CCNJ: variants seen among roughly 807,000 people sequenced by gnomAD.
CCNJ encodes the protein cyclin-J.
CCNJ carries 12 observed loss-of-function variants against 41.4 expected under a neutral mutation model. The observed-to-expected ratio is 0.29, with a 90% confidence interval of 0.19 to 0.47. The LOEUF (loss-of-function observed/expected upper bound fraction) is 0.47. Ranked by LOEUF, CCNJ falls within the 20% of genes least tolerant of loss-of-function variation. The probability of loss-of-function intolerance (pLI) is 1.00; values close to 1 mark genes in which losing one functional copy is unlikely to be tolerated. For missense variants in CCNJ, 340 were observed against 464.6 expected, an observed-to-expected ratio of 0.73 and a Z score of 2.47; for synonymous variants, 161 against 173.4, an observed-to-expected ratio of 0.93 and a Z score of 0.56.
intron 3 of CCNJ, among the ~76,000 whole-genome samples, chr10:96,056,233 C>T (rs1283754310): frequency 6.6e-5 from 10 of 151,348 alleles, no homozygotes; most frequent in African/African-American, 1.5e-4. Flanking sequence ...GGCGTGAACC[C>T]GGGAGGTGGA....
intron 2 of CCNJ, among the ~76,000 whole-genome samples, chr10:96,045,187 G>T (rs1003425670): frequency 1.3e-5 from 2 of 152,182 alleles, no homozygotes; most frequent in African/African-American, 4.8e-5. Flanking sequence ...GTGTATTGTT[G>T]CTATTAAGTA....
rs755283197 is a variant in CCNJ at position 96,058,003 on chromosome 10, C to T, written c.914C>T (p.Thr305Met). Reference sequence around the variant, plus strand: ...ACCTCACTGCAGTATCGCCATCCTACGTCAGAACAACCAAGCTGTCAGCAG... The same window carrying T: ...ACCTCACTGCAGTATCGCCATCCTATGTCAGAACAACCAAGCTGTCAGCAG... ...HQTSLQYRHP[T>M]SEQPSCQQIV... The change falls in exon 6 of 6, where the codon ACG becomes ATG. Residue 305 changes from threonine to methionine, a missense_variant. Thr to Met is a moderately conservative substitution (Grantham distance 81). Coordinates refer to ENST00000465148, the MANE Select transcript of CCNJ (RefSeq NM_001134375.2). The T allele has an allele frequency of 2.5e-5, 40 of 1,614,134 alleles. No individual in the cohort carries two copies. Among genetic ancestry groups the T allele is most frequent in the Middle Eastern group, 1.6e-4 (1 of 6,062 alleles).
chr10:96,056,092 A>C (rs1288786156), intron 3 of CCNJ, among the ~76,000 whole-genome samples: 1 of 152,178 alleles, frequency 6.6e-6, no homozygotes, highest in Non-Finnish European at 1.5e-5. Context: ...GGCAGATCAC[A>C]AGGTCAAGAG....
In CCNJ at chr10:96,060,029, T is replaced by C. The variant is rs1591027821; in HGVS notation, c.*1788T>C. 6.5e-6 allele frequency: 1 copy of C among 152,688 alleles called. No individual in the cohort carries two copies. Among genetic ancestry groups the C allele is most frequent in the Non-Finnish European group, 1.5e-5 (1 of 68,038 alleles). The allele number at this position is 152,688 out of a possible 1,614,324, so 9.5% of individuals were successfully genotyped here. A position where few individuals can be genotyped will look rare whatever the true frequency, so the allele number is the denominator to read the frequency against. On this transcript the variant is annotated 3_prime_UTR_variant, in exon 6 of 6. Coordinates refer to ENST00000465148, the MANE Select transcript of CCNJ (RefSeq NM_001134375.2). ...ACTCACTCATGGCAGTTTTTAAGCATGAAAATTGTTTTCTGAAAGTATCAT... is the reference window on the plus strand; with the variant it reads ...ACTCACTCATGGCAGTTTTTAAGCACGAAAATTGTTTTCTGAAAGTATCAT...
chr10:96,043,336 G>C (rs2080264064), upstream of CCNJ: 1 of 327,952 alleles, frequency 3.0e-6, no homozygotes, highest in African/African-American at 2.2e-5. Context: ...CTTCGCAGTA[G>C]GTGGCGGCTG....
rs1198866722 is a variant in CCNJ at position 96,058,959 on chromosome 10, G to C, written c.*718G>C. 2 of 153,148 alleles carry C rather than the reference G, an allele frequency of 1.3e-5. No homozygotes were observed. Among genetic ancestry groups the C allele is most frequent in the Non-Finnish European group, 2.9e-5 (2 of 68,492 alleles). The allele number at this position is 153,148 out of a possible 1,614,324, so 9.5% of individuals were successfully genotyped here. ...TTAGAATTAAAATACATTTAACTCA[G>C]GGAATTTGTACTACTTGGAAACACT... On this transcript the variant is annotated 3_prime_UTR_variant, in exon 6 of 6. Transcript: ENST00000465148.
chr10:96,058,579 G>C lies in CCNJ; in HGVS notation c.*338G>C. On this transcript the variant is annotated 3_prime_UTR_variant, in exon 6 of 6. Transcript: ENST00000465148. ...TGAGATTTGACCTGTGGTAGCATCT[G>C]GGCCTAATGTTGGCTTCTAAGTCAA... 1 of 429,874 alleles carries C rather than the reference G, an allele frequency of 2.3e-6. No homozygotes were observed. The highest frequency in any genetic ancestry group is 4.1e-6 in the Non-Finnish European group (1 of 243,794). 26.6% of individuals were successfully genotyped at this position (429,874 alleles called of 1,614,324 possible). A position where few individuals can be genotyped will look rare whatever the true frequency, so the allele number is the denominator to read the frequency against.
Position 96,047,842 on chromosome 10 carries a change from C to T in CCNJ, c.70-2414C>T, listed in dbSNP as rs531963842. Among the ~76,000 whole-genome samples, 17 of 152,122 alleles carry T rather than the reference C, an allele frequency of 1.1e-4. No homozygotes were observed. In the South Asian group the frequency reaches 2.7e-3, roughly 24 times the overall value. On this transcript the variant is annotated intron_variant, in intron 2 of 5. Coordinates refer to ENST00000465148, the MANE Select transcript of CCNJ (RefSeq NM_001134375.2). Reference sequence around the variant, plus strand: ...TGTGCAGGTTTGTTACATAGGTAAACGTTTGCCATGGTGGCTTACTGCACA... The same window carrying T: ...TGTGCAGGTTTGTTACATAGGTAAATGTTTGCCATGGTGGCTTACTGCACA...
chr10:96,047,341 T>C (rs2080391956), intron 2 of CCNJ, among the ~76,000 whole-genome samples: 1 of 152,164 alleles, frequency 6.6e-6, no homozygotes, highest in Non-Finnish European at 1.5e-5. Context: ...ATCTTCCCTT[T>C]ATGTGGAAAA....
In CCNJ at chr10:96,059,934, T is replaced by C. The variant is rs2080782137; in HGVS notation, c.*1693T>C. 1 of 152,630 alleles carries C rather than the reference T, an allele frequency of 6.6e-6. No individual in the cohort carries two copies. Among genetic ancestry groups the C allele is most frequent in the South Asian group, 2.1e-4 (1 of 4,836 alleles). The allele number at this position is 152,630 out of a possible 1,614,324, so 9.5% of individuals were successfully genotyped here. A position where few individuals can be genotyped will look rare whatever the true frequency, so the allele number is the denominator to read the frequency against. On this transcript the variant is annotated 3_prime_UTR_variant, in exon 6 of 6. Transcript: ENST00000465148. ...TTAAAAAGAAAATAACTTTTATATT[T>C]AGAGTACATAGGGCATGATGTGGAT...
Position 96,058,786 on chromosome 10 carries a change from A to G in CCNJ, c.*545A>G, listed in dbSNP as rs12244026. On this transcript the variant is annotated 3_prime_UTR_variant, in exon 6 of 6. Transcript: ENST00000465148. ...GCTATACCAATCTGCAGTAAAAAAAATTTTTTTAGATGATTCTATATAACT... is the reference window on the plus strand; with the variant it reads ...GCTATACCAATCTGCAGTAAAAAAAGTTTTTTTAGATGATTCTATATAACT... 2 of 302,650 alleles carry G rather than the reference A, an allele frequency of 6.6e-6. No homozygotes were observed. The highest frequency in any genetic ancestry group is 1.6e-4 in the South Asian group (1 of 6,224). 18.7% of individuals were successfully genotyped at this position (302,650 alleles called of 1,614,324 possible). A position where few individuals can be genotyped will look rare whatever the true frequency, so the allele number is the denominator to read the frequency against.
At position 96,058,408 on chromosome 10, in the gene CCNJ, G is replaced by A. The variant is rs929879522; in HGVS notation, c.*167G>A. 2 of 578,212 alleles carry A rather than the reference G, an allele frequency of 3.5e-6. No individual in the cohort carries two copies. Among genetic ancestry groups the A allele is most frequent in the South Asian group, 4.7e-5 (2 of 42,300 alleles). The allele number at this position is 578,212 out of a possible 1,614,324, so 35.8% of individuals were successfully genotyped here. The stretch of plus-strand genomic sequence containing the variant: ...TCCTTTTTAATGCACCATGAATCCT[G>A]GGAGACTAAGCAAATTAACAGTATG... On this transcript the variant is annotated 3_prime_UTR_variant, in exon 6 of 6. Transcript: ENST00000465148.
chr10:96,058,105 T>C lies in CCNJ; in HGVS notation c.1016T>C (p.Leu339Pro), dbSNP rs374220713. The C allele has an allele frequency of 6.2e-7, 1 of 1,614,224 alleles. No individual in the cohort carries two copies. ...GGCTTCCAAACTAGTGTTCAGGGCC[T>C]TGGGCACATGCAGACTGGTGTTGGG... is the stretch of plus-strand genomic sequence containing the variant. ...PAGFQTSVQG[L>P]GHMQTGVGMS... The change falls in exon 6 of 6, where the codon CTT (leucine) becomes CCT (proline). Residue 339 changes from leucine to proline, a missense_variant. Leu to Pro is a moderately conservative substitution (Grantham distance 98, BLOSUM62 -3). Around this residue, in one of 3 missense-constraint regions of CCNJ, gnomAD observed 159 missense variants for 168.2 expected, o/e 0.95. Coordinates refer to ENST00000465148, the MANE Select transcript of CCNJ (RefSeq NM_001134375.2).
At chr10:96,045,143 G>GA (rs2080328225) in intron 2 of CCNJ, among the ~76,000 whole-genome samples, 1 of 152,050 alleles carries the variant, frequency 6.6e-6, no homozygotes, top group South Asian at 2.1e-4. Flanking sequence ...ATAGATATTG[G>GA]AAAAAAATAC....
At chr10:96,054,442 G>C (rs1001073455) in intron 3 of CCNJ, among the ~76,000 whole-genome samples, 1 of 152,144 alleles carries the variant, frequency 6.6e-6, no homozygotes, top group Admixed American at 6.5e-5. Flanking sequence ...TAATGGAAAA[G>C]TTCCAAAAAA....
chr10:96,049,481 C>CTTTTTTTTTTTTTTTTTTTTT (rs150769179), intron 2 of CCNJ, among the ~76,000 whole-genome samples: 2 of 108,312 alleles, frequency 1.8e-5, no homozygotes, highest in Admixed American at 9.9e-5. Context: ...TTTTCTTTTT[C>CTTTTTTTTTTTTTTTTTTTTT]TTTTTTTTTT....
intron 2 of CCNJ, among the ~76,000 whole-genome samples, chr10:96,048,511 T>G (rs1359040619): frequency 6.6e-6 from 1 of 152,184 alleles, no homozygotes; most frequent in African/African-American, 2.4e-5. Context: ...TTAGGTACAT[T>G]TGCATTGTTG....
In CCNJ at chr10:96,059,033, T is replaced by C. The variant is rs1457646724; in HGVS notation, c.*792T>C. On this transcript the variant is annotated 3_prime_UTR_variant, in exon 6 of 6. Coordinates refer to ENST00000465148, the MANE Select transcript of CCNJ (RefSeq NM_001134375.2). Reference sequence around the variant, plus strand: ...GGAATGTTATAGTGTGAACTACCTTTATAACATAGGTTAAAATACGCTTGC... The same window carrying C: ...GGAATGTTATAGTGTGAACTACCTTCATAACATAGGTTAAAATACGCTTGC... 6.5e-6 allele frequency: 1 copy of C among 152,714 alleles called. No individual in the cohort carries two copies. The highest frequency in any genetic ancestry group is 1.5e-5 in the Non-Finnish European group (1 of 68,064). The allele number at this position is 152,714 out of a possible 1,614,324, so 9.5% of individuals were successfully genotyped here.
At position 96,056,881 on chromosome 10, in the gene CCNJ, A is replaced by C; in HGVS notation, c.461A>C (p.Tyr154Ser). The C allele has an allele frequency of 6.2e-7, 1 of 1,614,090 alleles. No individual in the cohort carries two copies. Among genetic ancestry groups the C allele is most frequent in the Non-Finnish European group, 8.5e-7 (1 of 1,179,950 alleles). The change falls in exon 4 of 6, where the codon TAT becomes TCT. Residue 154 changes from tyrosine to serine, a missense_variant. Transcript: ENST00000465148. ...LPTAAHFIEYYLSEAVHETDL... is the reference protein window; with the variant it reads ...LPTAAHFIEYSLSEAVHETDL... ...ACAGCCGCCCATTTCATTGAGTATT[A>C]TCTCTCTGAAGCAGTACACGAAACA...
Sources: gnomAD v4.1 joint callset for allele counts (sites outside exome capture counted in the v4.1 genomes callset) on GRCh38, gnomAD v4.1.1 for gene constraint, gnomAD v4.1.1 regional missense constraint, MANE v1.5 for transcripts, NCBI Gene and HGNC (gene_info 2026-07-23, HGNC 2026-07-21) for gene names.